The following LRRK1 variants were observed in gnomAD, a reference collection of about 807,000 sequenced individuals.
LRRK1 encodes the protein leucine rich repeat kinase 1.
Under a neutral mutation model 209.1 loss-of-function variants are expected in LRRK1, and 113 were observed. That is an observed-to-expected ratio of 0.54 (90% CI 0.46 to 0.63). The LOEUF (loss-of-function observed/expected upper bound fraction) is 0.63, where lower values mean the gene tolerates loss of function less well. Among genes scored for constraint, LRRK1 ranks in the 30% least tolerant of loss-of-function variants. The pLI is 0.00. For synonymous variants in LRRK1, 1,144 were observed against 1,099.7 expected, an observed-to-expected ratio of 1.04 and a Z score of -0.80; for missense variants, 2,284 against 2,632.2, an observed-to-expected ratio of 0.87 and a Z score of 2.89.
chr15:100,968,824 T>C (rs571553419), intron 2 of LRRK1, among the ~76,000 whole-genome samples: 12 of 145,454 alleles, frequency 8.3e-5, no homozygotes, highest in Non-Finnish European at 1.4e-4. Context: ...TCCCTTCCTT[T>C]CCCTTCCCTT....
chr15:100,929,441 G>A (rs576003184), intron 2 of LRRK1, among the ~76,000 whole-genome samples: 1 of 152,298 alleles, frequency 6.6e-6, no homozygotes, highest in East Asian at 1.9e-4. Flanking sequence ...TACTTCCAAT[G>A]TCTTGTTTTT....
intron 2 of LRRK1, among the ~76,000 whole-genome samples, chr15:100,941,987 C>T (rs1388410700): frequency 6.6e-6 from 1 of 152,224 alleles, no homozygotes; most frequent in Non-Finnish European, 1.5e-5. Context: ...GCCTTCTCCA[C>T]CTCACGCACA....
chr15:101,021,111 C>T lies in LRRK1; in HGVS notation c.1668C>T (p.Asn556=), dbSNP rs56215707. 0.013 allele frequency: 20,975 copies of T among 1,614,058 alleles called. 2,131 individuals are homozygous for T. In the African/African-American group the frequency reaches 0.23, roughly 18 times the overall value. Residue 556 remains asparagine, a synonymous_variant, in exon 13 of 34, where the codon AAC becomes AAT. Transcript: ENST00000388948. ...AGTCTTTGGAAGTCCTTTGCCTGAA[C>T]GACAACCACCTCGACACAGTCCCTC... ...LSESLEVLCL[N]DNHLDTVPPS...
intron 2 of LRRK1, among the ~76,000 whole-genome samples, chr15:100,960,437 G>A (rs1048524947): frequency 1.3e-5 from 2 of 152,150 alleles, no homozygotes; most frequent in Non-Finnish European, 2.9e-5. Flanking sequence ...CTGACTGTGT[G>A]TGTGTGTTTA....
chr15:100,921,993 C>A (rs961033126), intron 1 of LRRK1, among the ~76,000 whole-genome samples: 8 of 152,206 alleles, frequency 5.3e-5, no homozygotes, highest in African/African-American at 1.9e-4. Flanking sequence ...GCTGGGATTA[C>A]AAGCGTGAAC....
chr15:101,013,501 C>G (rs1015346651), intron 10 of LRRK1, among the ~76,000 whole-genome samples: 1 of 152,104 alleles, frequency 6.6e-6, no homozygotes, highest in East Asian at 1.9e-4. Context: ...GTACTCCCAG[C>G]ACTTTGCGAG....
chr15:101,053,279 C>T lies in LRRK1; in HGVS notation c.3913C>T (p.Arg1305Trp), dbSNP rs745327307. The T allele has an allele frequency of 2.5e-6, 4 of 1,606,768 alleles. No homozygotes were observed. The highest frequency in any genetic ancestry group is 3.4e-6 in the Non-Finnish European group (4 of 1,179,972). Residue 1305 changes from arginine to tryptophan, a missense_variant, in exon 26 of 34, where the codon CGG becomes TGG. Around this residue, in one of 6 missense-constraint regions of LRRK1, gnomAD observed 780 missense variants for 985.2 expected, o/e 0.79. Coordinates refer to ENST00000388948, the MANE Select transcript of LRRK1 (RefSeq NM_024652.6). ...TDAMKNFSEF[R>W]QEASMLHALQ... ...TGCCATGAAGAACTTCTCCGAGTTC[C>T]GGCAGGAGGCCAGCATGCTGCACGC... is the stretch of plus-strand genomic sequence containing the variant.
intron 6 of LRRK1, among the ~76,000 whole-genome samples, chr15:100,992,446 A>G (rs1285883133): frequency 6.6e-6 from 1 of 152,234 alleles, no homozygotes; most frequent in South Asian, 2.1e-4. Context: ...CTATATCTAT[A>G]CTTATATTAC....
chr15:101,020,146 A>G (rs2033710852), intron 12 of LRRK1, among the ~76,000 whole-genome samples: 1 of 152,194 alleles, frequency 6.6e-6, no homozygotes, highest in Non-Finnish European at 1.5e-5. Flanking sequence ...CATGGGATAA[A>G]TATTCAGTCC....
At chr15:100,945,482 C>CTTT (rs34038990) in intron 2 of LRRK1, among the ~76,000 whole-genome samples, 925 of 63,682 alleles carry the variant, frequency 0.015, 96 homozygotes, top group Non-Finnish European at 0.021. Flanking sequence ...TGCAGAGCCT[C>CTTT]TTTTTTTTTT....
At chr15:101,050,669 G>A (rs1012121748) in intron 23 of LRRK1, 5 of 152,462 alleles carry the variant, frequency 3.3e-5, no homozygotes, top group African/African-American at 9.6e-5. Context: ...CAGCATCAGG[G>A]AAGGTGGCTA....
chr15:101,026,187 C>A, intron 17 of LRRK1, 50 bp downstream of exon 17: 1 of 1,558,246 alleles, frequency 6.4e-7, no homozygotes, highest in Non-Finnish European at 8.8e-7. Context: ...GTGCCAGTCG[C>A]TGATCTTTCC....
chr15:101,048,478 T>C lies in LRRK1; in HGVS notation c.3136-16T>C. ...AGCCCAGAATACTTAAGCAGGGTCT[T>C]TTCTCTGTCTTTCAGCTTTTTGAAA... On this transcript the variant is annotated splice_polypyrimidine_tract_variant and intron_variant, in intron 21 of 33. Transcript: ENST00000388948. 2 of 1,600,466 alleles carry C rather than the reference T, an allele frequency of 1.2e-6. No homozygotes were observed. Among genetic ancestry groups the C allele is most frequent in the African/African-American group, 1.4e-5 (1 of 73,836 alleles).
intron 13 of LRRK1, 102 bp from the exon 14 acceptor site, chr15:101,021,743 G>A: frequency 1.3e-6 from 1 of 755,330 alleles, no homozygotes; most frequent in Non-Finnish European, 2.2e-6. Flanking sequence ...CTGGGGTACA[G>A]GCTGCAGAGG....
chr15:101,051,491 T>C (rs550125558), intron 23 of LRRK1, among the ~76,000 whole-genome samples: 1 of 152,260 alleles, frequency 6.6e-6, no homozygotes, highest in East Asian at 1.9e-4. Flanking sequence ...CTCGGAAGCA[T>C]CCTGAACCCT....
rs369959607 is a variant in LRRK1, at chr15:101,062,559, T to C, written c.4798-15T>C. 2.1e-5 allele frequency: 33 copies of C among 1,556,190 alleles called. No homozygotes were observed. The highest frequency in any genetic ancestry group is 1.7e-4 in the Middle Eastern group (1 of 5,974). Reference sequence around the variant, plus strand: ...TCCAGCCTGGGTCTCACAGTGGACCTGTCTGCCTCTGCAGGACCAGAAAAT... The same window carrying C: ...TCCAGCCTGGGTCTCACAGTGGACCCGTCTGCCTCTGCAGGACCAGAAAAT... On this transcript the variant is annotated splice_polypyrimidine_tract_variant and intron_variant, in intron 30 of 33. Transcript: ENST00000388948.
At chr15:101,056,770 G>C in intron 27 of LRRK1, 86 bp from the exon 28 acceptor site, 1 of 1,012,916 alleles carries the variant, frequency 9.9e-7, no homozygotes, top group South Asian at 1.7e-5. Context: ...GTCTAATTGT[G>C]TCTCCCTGGT....
At chr15:101,062,166 C>G (rs972723504) in intron 30 of LRRK1, among the ~76,000 whole-genome samples, 4 of 152,260 alleles carry the variant, frequency 2.6e-5, no homozygotes, top group East Asian at 3.9e-4. Flanking sequence ...GTGAACATTT[C>G]CTCCTAGAGT....
At chr15:101,061,556 C>T (rs757933773) in intron 30 of LRRK1, among the ~76,000 whole-genome samples, 9 of 152,194 alleles carry the variant, frequency 5.9e-5, no homozygotes, top group African/African-American at 1.7e-4. Context: ...CAGCAGGAGA[C>T]GAGACCCAGG....
Sources: allele counts gnomAD v4.1 joint callset (sites outside exome capture counted in the v4.1 genomes callset), GRCh38; gene constraint gnomAD v4.1.1; regional missense constraint gnomAD v4.1.1; transcripts MANE v1.5; gene names NCBI Gene and HGNC (gene_info 2026-07-23, HGNC 2026-07-21).